The following MGAT4A variants were observed in gnomAD, a reference collection of about 807,000 sequenced individuals.
MGAT4A encodes alpha-1,3-mannosyl-glycoprotein 4-beta-N-acetylglucosaminyltransferase A.
Under a neutral mutation model 74.1 loss-of-function variants are expected in MGAT4A, and 33 were observed. The ratio of observed to expected loss-of-function variants is 0.45; its 90% CI spans 0.34 to 0.60. The LOEUF (loss-of-function observed/expected upper bound fraction) is 0.60. Among genes scored for constraint, MGAT4A ranks in the 20% least tolerant of loss-of-function variants. MGAT4A has a pLI of 0.02. For missense variants in MGAT4A, 479 were observed against 628.3 expected (o/e 0.76, Z 2.54); for synonymous variants, 198 against 210.4 (o/e 0.94, Z 0.51).
intron 10 of MGAT4A, among the ~76,000 whole-genome samples, chr2:98,641,757 G>C (rs1257057579): frequency 6.6e-6 from 1 of 152,008 alleles, no homozygotes; most frequent in South Asian, 2.1e-4. Context: ...CACTTTGGGA[G>C]GCTGAGGTTG....
chr2:98,665,485 C>T lies in MGAT4A; in HGVS notation c.404-2306G>A, dbSNP rs548954172. Reference sequence around the variant, plus strand: ...ACACAACCCTCTCTTCCATTTTAGGCAAGAAGAGTTCTCAAGCACTCAAAA... The same window carrying T: ...ACACAACCCTCTCTTCCATTTTAGGTAAGAAGAGTTCTCAAGCACTCAAAA... On this transcript the variant is annotated intron_variant, in intron 4 of 15. Coordinates refer to ENST00000393487, the MANE Select transcript of MGAT4A (RefSeq NM_012214.3). Among the ~76,000 whole-genome samples, 5 of 152,218 alleles carry T rather than the reference C, an allele frequency of 3.3e-5. No homozygotes were observed. The South Asian group carries it at 8.3e-4, about 25-fold the overall frequency.
chr2:98,725,800 T>G (rs934332957), intron 2 of MGAT4A: 1 of 194,118 alleles, frequency 5.2e-6, no homozygotes, highest in Non-Finnish European at 1.0e-5. Context: ...AATCATTAAC[T>G]ACATAGCACC....
chr2:98,671,943 CAAAAAAAAAA>C lies in MGAT4A; in HGVS notation c.403+3082_403+3091del, dbSNP rs59955000. On this transcript the variant is annotated intron_variant, in intron 4 of 15. Coordinates refer to ENST00000393487, the MANE Select transcript of MGAT4A (RefSeq NM_012214.3). ...AGGCCACAAAGTAATGTGGAAAAGG[CAAAAAAAAAA>C]AAAAAAAAAAAAAAAAAGGATCCTC... 5.1e-3 allele frequency among the ~76,000 whole-genome samples: 146 copies of C among 28,640 alleles called. 1 individual carries two copies. The highest frequency in any genetic ancestry group is 0.016 in the African/African-American group (130 of 7,880). 18.8% of individuals were successfully genotyped at this position (28,640 alleles called of 152,430 possible). A position where few individuals can be genotyped will look rare whatever the true frequency, so the allele number is the denominator to read the frequency against.
intron 2 of MGAT4A, among the ~76,000 whole-genome samples, chr2:98,682,197 CA>C (rs1702069342): frequency 6.6e-6 from 1 of 151,912 alleles, no homozygotes; most frequent in Non-Finnish European, 1.5e-5. Context: ...CCGAGGTGGG[CA>C]GATCACCTGA....
chr2:98,710,649 G>A (rs1406429834), intron 2 of MGAT4A, among the ~76,000 whole-genome samples: 1 of 152,034 alleles, frequency 6.6e-6, no homozygotes, highest in Non-Finnish European at 1.5e-5. Context: ...TAGTACAGAT[G>A]GGGGGCGGGG....
chr2:98,701,995 G>T (rs899315047), intron 2 of MGAT4A, among the ~76,000 whole-genome samples: 1 of 152,186 alleles, frequency 6.6e-6, no homozygotes, highest in African/African-American at 2.4e-5. Context: ...GAGTGAGAAG[G>T]CTCACAAATC....
Position 98,678,434 on chromosome 2 carries a change from C to A in MGAT4A, c.132G>T (p.Leu44Phe). 2 of 1,586,012 alleles carry A rather than the reference C, an allele frequency of 1.3e-6. No individual in the cohort carries two copies. The highest frequency in any genetic ancestry group is 1.7e-6 in the Non-Finnish European group (2 of 1,161,872). ...GTTCAGCTATTCGAAGACGTTCTTT[C>A]AAAGCAAGGAATTCTCGTTGATAAG... is the stretch of plus-strand genomic sequence containing the variant. ...LIAYQREFLA[L>F]KERLRIAEHR... The change falls in exon 3 of 16, where the codon TTG (leucine) becomes TTT (phenylalanine). Residue 44 changes from leucine (L) to phenylalanine (F), a missense_variant. By Grantham distance (22) the Leu-to-Phe change is conservative (BLOSUM62 0). Transcript: ENST00000393487.
intron 14 of MGAT4A, 50 bp from the exon 15 acceptor site, chr2:98,625,885 T>C (rs750049587): frequency 2.9e-6 from 4 of 1,357,698 alleles, no homozygotes; most frequent in East Asian, 4.7e-5. Flanking sequence ...TAAGCAAACA[T>C]AAAATATCAC....
chr2:98,729,105 TAG>T (rs1314201338), intron 1 of MGAT4A, among the ~76,000 whole-genome samples: 13 of 151,564 alleles, frequency 8.6e-5, no homozygotes, highest in Middle Eastern at 6.8e-3. Context: ...TAGAAATGCA[TAG>T]AGACAAGTAA....
At chr2:98,631,621 A>G (rs1341755715) in intron 14 of MGAT4A, among the ~76,000 whole-genome samples, 1 of 152,176 alleles carries the variant, frequency 6.6e-6, no homozygotes, top group Non-Finnish European at 1.5e-5. Flanking sequence ...ATGACGCAGA[A>G]TTTGGCCAGG....
intron 2 of MGAT4A, among the ~76,000 whole-genome samples, chr2:98,685,777 C>G (rs151285728): frequency 6.6e-6 from 1 of 152,330 alleles, no homozygotes; most frequent in East Asian, 1.9e-4. Context: ...TTCTGGACTT[C>G]ACTTCCAGGG....
At chr2:98,679,167 G>C (rs1033535229) in intron 2 of MGAT4A, among the ~76,000 whole-genome samples, 1 of 152,116 alleles carries the variant, frequency 6.6e-6, no homozygotes, top group Non-Finnish European at 1.5e-5. Context: ...AGCACTTTGG[G>C]AGGCCGAGGT....
intron 14 of MGAT4A, among the ~76,000 whole-genome samples, chr2:98,632,348 ACCC>A (rs1701251221): frequency 6.6e-6 from 1 of 151,730 alleles, no homozygotes; most frequent in South Asian, 2.1e-4. Flanking sequence ...AGCAAGCCAC[ACCC>A]CCATCACACG....
Position 98,658,250 on chromosome 2 carries a change from A to G in MGAT4A, c.552T>C (p.Tyr184=), listed in dbSNP as rs1701688362. Residue 184 remains tyrosine (Y), a synonymous_variant, in exon 6 of 16, where the codon TAT becomes TAC. Coordinates refer to ENST00000393487, the MANE Select transcript of MGAT4A (RefSeq NM_012214.3). ...VVFIGETDID[Y]VHGVVANLEK... ...CCAGGTTGGCTACAACACCATGTACATAATCAATATCTGTCTGGGAAAGAA... is the reference window on the plus strand; with the variant it reads ...CCAGGTTGGCTACAACACCATGTACGTAATCAATATCTGTCTGGGAAAGAA... 1 of 1,568,180 alleles carries G rather than the reference A, an allele frequency of 6.4e-7. No individual in the cohort carries two copies. Among genetic ancestry groups the G allele is most frequent in the Non-Finnish European group, 8.7e-7 (1 of 1,151,608 alleles).
At chr2:98,634,971 ACTCT>A (rs1001187948) in intron 14 of MGAT4A, among the ~76,000 whole-genome samples, 1 of 152,028 alleles carries the variant, frequency 6.6e-6, no homozygotes, top group South Asian at 2.1e-4. Flanking sequence ...GTGCAGGCAG[ACTCT>A]CTATCAGGGA....
At chr2:98,653,833 G>A (rs1331706414) in intron 8 of MGAT4A, among the ~76,000 whole-genome samples, 1 of 152,130 alleles carries the variant, frequency 6.6e-6, no homozygotes, top group African/African-American at 2.4e-5. Flanking sequence ...TAGGAGGCCT[G>A]CATTTCTCTG....
chr2:98,710,526 C>T (rs1165773572), intron 2 of MGAT4A, among the ~76,000 whole-genome samples: 1 of 152,136 alleles, frequency 6.6e-6, no homozygotes, highest in East Asian at 1.9e-4. Flanking sequence ...GTGGCCCGAA[C>T]TCGGCTCACT....
At chr2:98,704,091 T>C (rs2104317346) in intron 2 of MGAT4A, among the ~76,000 whole-genome samples, 1 of 152,326 alleles carries the variant, frequency 6.6e-6, no homozygotes, top group Non-Finnish European at 1.5e-5. Context: ...GGACATTACC[T>C]ATCTTGTTTA....
chr2:98,649,862 A>G (rs1701552823), intron 8 of MGAT4A, among the ~76,000 whole-genome samples: 1 of 152,190 alleles, frequency 6.6e-6, no homozygotes, highest in Non-Finnish European at 1.5e-5. Context: ...TCCCAACAAC[A>G]AAAAACAAGA....
Sources: allele counts gnomAD v4.1 joint callset (sites outside exome capture counted in the v4.1 genomes callset), GRCh38; gene constraint gnomAD v4.1.1; transcripts MANE v1.5; gene names NCBI Gene and HGNC (gene_info 2026-07-23, HGNC 2026-07-21).